Variants in KCNB2 observed in about 807,000 individuals in gnomAD.
The protein encoded by KCNB2 is delayed rectifier potassium channel protein.
KCNB2 carries 15 observed loss-of-function variants against 61.5 expected under a neutral mutation model. That is an observed-to-expected ratio of 0.24 (90% CI 0.16 to 0.38). KCNB2 has a LOEUF of 0.38. Among genes scored for constraint, KCNB2 ranks in the 10% least tolerant of loss-of-function variants. KCNB2 has a pLI of 1.00. For missense variants in KCNB2, 828 were observed against 1,125.2 expected (o/e 0.74, Z 3.78); for synonymous variants, 457 against 446.0 (o/e 1.02, Z -0.31).
intron 2 of KCNB2, among the ~76,000 whole-genome samples, chr8:72,801,551 A>T (rs909688190): frequency 3.9e-5 from 6 of 152,184 alleles, no homozygotes; most frequent in Non-Finnish European, 7.3e-5. Context: ...TTCAAAATAC[A>T]TTTATTGAGT....
At chr8:72,748,599 T>G (rs1254464252) in intron 2 of KCNB2, among the ~76,000 whole-genome samples, 8 of 119,268 alleles carry the variant, frequency 6.7e-5, no homozygotes, top group African/African-American at 1.4e-4. Context: ...CTCACTTTGG[T>G]TTTTTTTTTG....
intron 2 of KCNB2, among the ~76,000 whole-genome samples, chr8:72,694,307 A>G (rs1806984175): frequency 6.6e-6 from 1 of 152,190 alleles, no homozygotes; most frequent in African/African-American, 2.4e-5. Context: ...ATATATACTC[A>G]CAAATATATC....
At chr8:72,725,510 CATATAT>C (rs774224955) in intron 2 of KCNB2, among the ~76,000 whole-genome samples, 164 of 58,904 alleles carry the variant, frequency 2.8e-3, no homozygotes, top group Middle Eastern at 0.017. Context: ...TCTTTGTCTT[CATATAT>C]ATATATATAT....
chr8:72,813,301 C>T (rs1809335317), intron 2 of KCNB2, among the ~76,000 whole-genome samples: 1 of 151,946 alleles, frequency 6.6e-6, no homozygotes, highest in Non-Finnish European at 1.5e-5. Flanking sequence ...CCTGCCTCTG[C>T]TGCTGAAGTT....
At chr8:72,632,614 G>A (rs995663838) in intron 2 of KCNB2, among the ~76,000 whole-genome samples, 1 of 152,128 alleles carries the variant, frequency 6.6e-6, no homozygotes, top group African/African-American at 2.4e-5. Context: ...GTGCTGTGAG[G>A]GGGGTGTCTT....
intron 2 of KCNB2, among the ~76,000 whole-genome samples, chr8:72,580,297 A>G (rs1248608141): frequency 6.6e-6 from 1 of 152,224 alleles, no homozygotes; most frequent in African/African-American, 2.4e-5. Flanking sequence ...TAATTGTATT[A>G]CAGAGATTAG....
chr8:72,723,934 T>C (rs538226902), intron 2 of KCNB2, among the ~76,000 whole-genome samples: 19 of 152,348 alleles, frequency 1.2e-4, no homozygotes, highest in Non-Finnish European at 2.2e-4. Context: ...ATTTCTACCA[T>C]GATCACTTCC....
At chr8:72,820,583 T>TC (rs1809481009) in intron 2 of KCNB2, among the ~76,000 whole-genome samples, 1 of 152,178 alleles carries the variant, frequency 6.6e-6, no homozygotes, top group South Asian at 2.1e-4. Flanking sequence ...CTATGACTTT[T>TC]TTTTTTGCTC....
At chr8:72,902,897 A>G (rs1207037059) in intron 2 of KCNB2, among the ~76,000 whole-genome samples, 2 of 152,192 alleles carry the variant, frequency 1.3e-5, no homozygotes, top group East Asian at 1.9e-4. Flanking sequence ...TGTCTAAACA[A>G]TAAGATGGGA....
intron 1 of KCNB2, among the ~76,000 whole-genome samples, chr8:72,559,012 A>C (rs1447937911): frequency 6.6e-6 from 1 of 152,192 alleles, no homozygotes; most frequent in Admixed American, 6.5e-5. Flanking sequence ...TACAACAGAG[A>C]GAGAGAGAGG....
At chr8:72,772,971 A>T (rs1418253043) in intron 2 of KCNB2, among the ~76,000 whole-genome samples, 1 of 152,180 alleles carries the variant, frequency 6.6e-6, no homozygotes, top group Non-Finnish European at 1.5e-5. Flanking sequence ...CTGGCTAGTC[A>T]TTAATGCTTA....
At chr8:72,663,789 A>G (rs953588722) in intron 2 of KCNB2, among the ~76,000 whole-genome samples, 5 of 152,194 alleles carry the variant, frequency 3.3e-5, no homozygotes, top group Non-Finnish European at 7.3e-5. Context: ...TGGTATTTAC[A>G]CTGAAAAAAT....
intron 2 of KCNB2, among the ~76,000 whole-genome samples, chr8:72,670,506 A>G (rs1458149284): frequency 6.6e-6 from 1 of 151,794 alleles, no homozygotes; most frequent in African/African-American, 2.4e-5. Flanking sequence ...CTTTTTCCGA[A>G]CCTCTCCACT....
At chr8:72,934,460 A>G (rs1318141316) in intron 2 of KCNB2, among the ~76,000 whole-genome samples, 5 of 151,976 alleles carry the variant, frequency 3.3e-5, no homozygotes, top group Non-Finnish European at 7.4e-5. Flanking sequence ...AAGGAGAATA[A>G]CCCAGAAGTG....
At chr8:72,798,749 A>G (rs1212448258) in intron 2 of KCNB2, among the ~76,000 whole-genome samples, 1 of 152,148 alleles carries the variant, frequency 6.6e-6, no homozygotes, top group Non-Finnish European at 1.5e-5. Flanking sequence ...CTAATGGTAG[A>G]GACAGTCTAC....
At chr8:72,930,068 C>A (rs964631678) in intron 2 of KCNB2, among the ~76,000 whole-genome samples, 30 of 151,326 alleles carry the variant, frequency 2.0e-4, no homozygotes, top group Middle Eastern at 3.4e-3. Flanking sequence ...TTTGTCCTTA[C>A]AATAGTTTGC....
At chr8:72,567,150 A>C (rs1037435008) in intron 1 of KCNB2, among the ~76,000 whole-genome samples, 1 of 152,012 alleles carries the variant, frequency 6.6e-6, no homozygotes, top group Non-Finnish European at 1.5e-5. Flanking sequence ...GAGAAACCCC[A>C]TCTCTACAAA....
At chr8:72,934,118 C>A (rs1047431618) in intron 2 of KCNB2, among the ~76,000 whole-genome samples, 1 of 152,040 alleles carries the variant, frequency 6.6e-6, no homozygotes, top group Non-Finnish European at 1.5e-5. Flanking sequence ...AGGGGCCAGG[C>A]ACAGTGGCTC....
intron 2 of KCNB2, among the ~76,000 whole-genome samples, chr8:72,922,783 A>AG (rs1481135562): frequency 1.3e-5 from 2 of 152,184 alleles, no homozygotes; most frequent in African/African-American, 2.4e-5. Flanking sequence ...GATTTCCCAA[A>AG]GGGATCTGTA....
Sources: gnomAD v4.1 joint callset for allele counts (sites outside exome capture counted in the v4.1 genomes callset) on GRCh38, gnomAD v4.1.1 for gene constraint, MANE v1.5 for transcripts, NCBI Gene and HGNC (gene_info 2026-07-23, HGNC 2026-07-21) for gene names.